FRYL: variants seen among roughly 807,000 people sequenced by gnomAD.
The protein encoded by FRYL is protein furry homolog-like.
FRYL carries 150 observed loss-of-function variants against 351.2 expected under a neutral mutation model. The observed-to-expected ratio is 0.43, with a 90% confidence interval of 0.37 to 0.49. FRYL has a LOEUF of 0.49. Among genes scored for constraint, FRYL ranks in the 20% least tolerant of loss-of-function variants. FRYL has a pLI of 0.00. For missense variants in FRYL, 3,036 were observed against 3,619.3 expected, an observed-to-expected ratio of 0.84 and a Z score of 4.13; for synonymous variants, 1,153 against 1,257.1, an observed-to-expected ratio of 0.92 and a Z score of 1.75.
At chr4:48,616,589 C>G (rs886914691) in intron 7 of FRYL, among the ~76,000 whole-genome samples, 2 of 152,136 alleles carry the variant, frequency 1.3e-5, no homozygotes, top group African/African-American at 2.4e-5. Context: ...GGGTTTATTA[C>G]AATGATCAGT....
rs530611756 is a variant in FRYL at position 48,554,968 on chromosome 4, T to C, written c.4267-1585A>G. On this transcript the variant is annotated intron_variant, in intron 35 of 63. Coordinates refer to ENST00000358350, the MANE Select transcript of FRYL (RefSeq NM_015030.2). Reference sequence around the variant, plus strand: ...AGTGAGAACTTGAGGAAATTACCGTTCTCTCTGCCCTGTTTTTTCCTCTGT... The same window carrying C: ...AGTGAGAACTTGAGGAAATTACCGTCCTCTCTGCCCTGTTTTTTCCTCTGT... 4.6e-5 allele frequency among the ~76,000 whole-genome samples: 7 copies of C among 152,324 alleles called. No individual in the cohort carries two copies. In the South Asian group the frequency reaches 1.4e-3, roughly 32 times the overall value.
intron 7 of FRYL, among the ~76,000 whole-genome samples, chr4:48,616,967 C>T (rs1271519715): frequency 6.6e-6 from 1 of 152,158 alleles, no homozygotes; most frequent in Non-Finnish European, 1.5e-5. Flanking sequence ...TCAGCAAGCT[C>T]TATTGATTTT....
intron 3 of FRYL, among the ~76,000 whole-genome samples, chr4:48,640,656 A>G (rs1755140084): frequency 6.6e-6 from 1 of 152,162 alleles, no homozygotes; most frequent in Non-Finnish European, 1.5e-5. Context: ...GTTAATAATA[A>G]TGTTTCAATA....
intron 5 of FRYL, among the ~76,000 whole-genome samples, chr4:48,621,778 T>C (rs1750689824): frequency 6.6e-6 from 1 of 152,150 alleles, no homozygotes; most frequent in African/African-American, 2.4e-5. Context: ...TAAAACTTCA[T>C]CCAGAAAAAA....
At chr4:48,554,737 G>A (rs55884608) in intron 35 of FRYL, among the ~76,000 whole-genome samples, 1 of 152,150 alleles carries the variant, frequency 6.6e-6, no homozygotes, top group Admixed American at 6.5e-5. Flanking sequence ...TTTCAGGTTC[G>A]ATCTCCTCTG....
At chr4:48,777,737 A>C (rs1334266999) in intron 1 of FRYL, among the ~76,000 whole-genome samples, 2 of 152,248 alleles carry the variant, frequency 1.3e-5, no homozygotes, top group Non-Finnish European at 2.9e-5. Flanking sequence ...ACAAAGACAG[A>C]CATTTAAAAA....
chr4:48,696,366 C>A (rs561374544), intron 2 of FRYL, among the ~76,000 whole-genome samples: 1 of 152,108 alleles, frequency 6.6e-6, no homozygotes, highest in Non-Finnish European at 1.5e-5. Flanking sequence ...AATGAGTTCA[C>A]GTCTTTTGTG....
chr4:48,542,701 C>T (rs1201940413), intron 44 of FRYL, among the ~76,000 whole-genome samples: 1 of 152,166 alleles, frequency 6.6e-6, no homozygotes, highest in Non-Finnish European at 1.5e-5. Flanking sequence ...TAGGTGTGAG[C>T]CACAGTGCCT....
At chr4:48,768,363 C>T (rs187940243) in intron 1 of FRYL, among the ~76,000 whole-genome samples, 2 of 152,310 alleles carry the variant, frequency 1.3e-5, no homozygotes, top group Admixed American at 1.3e-4. Flanking sequence ...GTAGCACTGG[C>T]AGTTGCTCTG....
chr4:48,574,986 G>T, intron 25 of FRYL, 131 bp downstream of exon 25: 2 of 635,184 alleles, frequency 3.1e-6, no homozygotes, highest in Non-Finnish European at 5.3e-6. Flanking sequence ...TAGTTAATTG[G>T]TGAAAGTCAG....
At chr4:48,751,504 C>A (rs577837295) in intron 1 of FRYL, among the ~76,000 whole-genome samples, 6 of 152,084 alleles carry the variant, frequency 3.9e-5, no homozygotes, top group African/African-American at 1.4e-4. Flanking sequence ...AGTCCTTTAG[C>A]AAAACAAGGA....
intron 57 of FRYL, among the ~76,000 whole-genome samples, chr4:48,512,239 A>G (rs1296399603): frequency 6.6e-6 from 1 of 152,218 alleles, no homozygotes; most frequent in East Asian, 1.9e-4. Context: ...AAAACATATC[A>G]GACGTTGTTT....
In FRYL at chr4:48,549,106, A is replaced by G. The variant is rs139365269; in HGVS notation, c.4785-313T>C. 6.6e-6 allele frequency among the ~76,000 whole-genome samples: 1 copy of G among 152,274 alleles called. No homozygotes were observed. The highest frequency in any genetic ancestry group is 2.4e-5 in the African/African-American group (1 of 41,556). ...ATGTTTGGTGCATTAATACATTTTG[A>G]AAGAATGCAGTAATTGCTCTATTGT... On this transcript the variant is annotated intron_variant, in intron 39 of 63. Coordinates refer to ENST00000358350, the MANE Select transcript of FRYL (RefSeq NM_015030.2). This position sits in a 1 kb window ranked among gnomAD's most constrained non-coding sequence, Gnocchi z 4.2.
chr4:48,732,770 C>T (rs1468194884), intron 1 of FRYL, among the ~76,000 whole-genome samples: 6 of 93,324 alleles, frequency 6.4e-5, no homozygotes, highest in Non-Finnish European at 9.8e-5. Context: ...ACACTGGAGC[C>T]TGTGGGGGGT....
intron 1 of FRYL, among the ~76,000 whole-genome samples, chr4:48,750,125 C>A (rs1213516935): frequency 2.4e-5 from 3 of 126,570 alleles, no homozygotes; most frequent in Non-Finnish European, 5.0e-5. Context: ...TAGAACAAGA[C>A]TCCATCTATT....
At chr4:48,590,949 G>A (rs1046093358) in intron 16 of FRYL, 119 bp from the exon 17 acceptor site, 1 of 689,592 alleles carries the variant, frequency 1.5e-6, no homozygotes, top group Non-Finnish European at 2.4e-6. Flanking sequence ...AAGATAGAAG[G>A]AACACTAACC....
At chr4:48,525,212 T>G (rs1238597628) in intron 53 of FRYL, among the ~76,000 whole-genome samples, 2 of 148,280 alleles carry the variant, frequency 1.3e-5, no homozygotes, top group Non-Finnish European at 3.0e-5. Flanking sequence ...CACTTGGATG[T>G]GATGTAAAAT....
intron 1 of FRYL, among the ~76,000 whole-genome samples, chr4:48,736,850 G>GAAAAAAAAAAAAAAAAAAAAAA (rs368006420): frequency 1.2e-4 from 5 of 40,604 alleles, no homozygotes; most frequent in Admixed American, 3.8e-4. Context: ...ACTCTGTCTC[G>GAAAAAAAAAAAAAAAAAAAAAA]AAAAAAAAAA....
In FRYL at chr4:48,579,106, C is replaced by G; in HGVS notation, c.2395G>C (p.Asp799His). Residue 799 changes from aspartate to histidine, a missense_variant, in exon 23 of 64, where the codon GAC (aspartate) becomes CAC (histidine). This residue lies in a region of FRYL where 492 missense variants were observed against 551.5 expected (regional missense o/e 0.89). Coordinates refer to ENST00000358350, the MANE Select transcript of FRYL (RefSeq NM_015030.2). ...WIFAHVTQGQ[D>H]PWIISLSSFL... ...CTGGAGAGACTTATAATCCATGGGT[C>G]TTGGCCTTGGGTCACATGTGCAAAT... 1 of 1,614,030 alleles carries G rather than the reference C, an allele frequency of 6.2e-7. No homozygotes were observed. The highest frequency in any genetic ancestry group is 8.5e-7 in the Non-Finnish European group (1 of 1,179,936).
Sources: allele counts gnomAD v4.1 joint callset (sites outside exome capture counted in the v4.1 genomes callset), GRCh38; gene constraint gnomAD v4.1.1; regional missense constraint gnomAD v4.1.1; non-coding constraint Gnocchi (gnomAD v3.1); transcripts MANE v1.5; gene names NCBI Gene and HGNC (gene_info 2026-07-23, HGNC 2026-07-21).